ARHGEF6: variants seen among roughly 807,000 people sequenced by gnomAD.
The protein encoded by ARHGEF6 is rho guanine nucleotide exchange factor 6.
A neutral mutation model predicts 70.3 loss-of-function variants in ARHGEF6; 9 were observed. That is an observed-to-expected ratio of 0.13 (90% confidence interval 0.08 to 0.22). The LOEUF (loss-of-function observed/expected upper bound fraction) is 0.22, where lower values mean the gene tolerates loss of function less well. ARHGEF6 is among the 10% of genes least tolerant of loss of function. The pLI is 1.00. For missense variants in ARHGEF6, 470 were observed against 563.0 expected (o/e 0.83, Z 1.67); for synonymous variants, 201 against 207.8 (o/e 0.97, Z 0.28).
At chrX:136,681,837 T>C in intron 14 of ARHGEF6, 53 bp downstream of exon 14, 1 of 1,054,120 alleles carries the variant, frequency 9.5e-7, no homozygotes, top group South Asian at 1.9e-5. Flanking sequence ...TAAATTCCCC[T>C]TCATTCCAAA....
chrX:136,773,147 C>T lies in ARHGEF6; in HGVS notation c.249+6267G>A, dbSNP rs146352110. Among the ~76,000 whole-genome samples the T allele has an allele frequency of 6.9e-3, 774 of 111,415 alleles. 7 individuals carry two copies. Among genetic ancestry groups the T allele is most frequent in the African/African-American group, 0.021 (644 of 30,679 alleles). The stretch of plus-strand genomic sequence containing the variant: ...GAGCCCAGTACTCAATTTGTCGGTA[C>T]GGTGCTGCATCTGCGGCTCCATTTT... On this transcript the variant is annotated intron_variant, in intron 2 of 21. Coordinates refer to ENST00000250617, the MANE Select transcript of ARHGEF6 (RefSeq NM_004840.3).
At position 136,780,733 on chromosome X, in the gene ARHGEF6, A is replaced by G; in HGVS notation, c.150T>C (p.Pro50=). 8.3e-7 allele frequency: 1 copy of G among 1,211,563 alleles called. No individual in the cohort carries two copies. The highest frequency in any genetic ancestry group is 3.0e-5 in the East Asian group (1 of 33,857). ...TTTCCCTTACCTTTTCCACAGAGCC[A>G]GGCATGAGTCTGTTGATCAGTTTGC... ...VLCKLINRLM[P]GSVEKFCLDP... is the part of the protein sequence containing the mutation. The change falls in exon 1 of 22, where the codon CCT becomes CCC. Residue 50 remains proline, a synonymous_variant. Transcript: ENST00000250617.
chrX:136,691,555 A>T (rs2076458421), intron 9 of ARHGEF6, among the ~76,000 whole-genome samples: 1 of 111,889 alleles, frequency 8.9e-6, no homozygotes, highest in African/African-American at 3.3e-5. Flanking sequence ...AGAGGAGGAA[A>T]CCTACTGCCT....
chrX:136,750,800 C>T (rs893450400), intron 2 of ARHGEF6, among the ~76,000 whole-genome samples: 6 of 97,028 alleles, frequency 6.2e-5, no homozygotes, highest in African/African-American at 2.4e-4. Context: ...TAGATGAAAT[C>T]AAACTTTTTT....
intron 14 of ARHGEF6, 114 bp from the exon 15 acceptor site, chrX:136,680,990 T>G: frequency 1.2e-6 from 1 of 832,698 alleles, no homozygotes; most frequent in Non-Finnish European, 1.8e-6. Context: ...TTTTCAGGGG[T>G]TTTCATACCT....
In ARHGEF6 at chrX:136,730,549, G is replaced by A. The variant is rs1177997339; in HGVS notation, c.732+1553C>T. On this transcript the variant is annotated intron_variant, in intron 6 of 21. Transcript: ENST00000250617. ...CTATCATGAGTTCCGCAAGACATTTGTTTTCTTTATTAGGTCTGAGGTTTG... is the reference window on the plus strand; with the variant it reads ...CTATCATGAGTTCCGCAAGACATTTATTTTCTTTATTAGGTCTGAGGTTTG... 1.4e-4 allele frequency among the ~76,000 whole-genome samples: 15 copies of A among 111,035 alleles called. No homozygotes were observed. In the Admixed American group the frequency reaches 1.4e-3, roughly 10 times the overall value.
Position 136,666,737 on chromosome X carries a change from T to C in ARHGEF6, c.*1292A>G, listed in dbSNP as rs1219643102. 2 of 111,856 alleles carry C rather than the reference T, an allele frequency of 1.8e-5. No homozygotes were observed. Among genetic ancestry groups the C allele is most frequent in the Non-Finnish European group, 3.8e-5 (2 of 53,224 alleles). The allele number at this position is 111,856 out of a possible 1,213,427, so 9.2% of individuals were successfully genotyped here. On this transcript the variant is annotated 3_prime_UTR_variant, in exon 22 of 22. Coordinates refer to ENST00000250617, the MANE Select transcript of ARHGEF6 (RefSeq NM_004840.3). ...CTGAATTTGGATGTGTGCTGTTCTG[T>C]GACTGTCTTCTAAACCTGGTTTCTC...
intron 5 of ARHGEF6, among the ~76,000 whole-genome samples, chrX:136,732,407 T>C (rs1348329624): frequency 8.9e-6 from 1 of 111,990 alleles, no homozygotes; most frequent in African/African-American, 3.2e-5. Context: ...AAGACCTAAC[T>C]AAGAAATAGC....
chrX:136,687,873 C>G (rs1035667550), intron 11 of ARHGEF6, 59 bp downstream of exon 11: 1 of 981,366 alleles, frequency 1.0e-6, no homozygotes, highest in East Asian at 3.1e-5. Flanking sequence ...ACACACAAAT[C>G]GCTCTTTCAG....
chrX:136,761,912 CTT>C (rs755982570), intron 2 of ARHGEF6, among the ~76,000 whole-genome samples: 1 of 104,967 alleles, frequency 9.5e-6, no homozygotes, highest in Non-Finnish European at 2.0e-5. Context: ...CATTTTTTTT[CTT>C]TTTTTTTTTG....
chrX:136,727,395 T>TTCTTTCTTTCTTTCTTTC (rs1491576833), intron 6 of ARHGEF6, among the ~76,000 whole-genome samples: 2 of 53,611 alleles, frequency 3.7e-5, no homozygotes, highest in African/African-American at 1.6e-4. Flanking sequence ...CTTTCTTTCT[T>TTCTTTCTTTCTTTCTTTC]TCTCTCTCTC....
chrX:136,712,808 G>T (rs770806332), intron 7 of ARHGEF6, among the ~76,000 whole-genome samples: 2 of 112,106 alleles, frequency 1.8e-5, no homozygotes, highest in Admixed American at 9.4e-5. Context: ...ACATTTGCCT[G>T]GGTGAAATAA....
At chrX:136,708,960 A>G (rs774447762) in intron 7 of ARHGEF6, among the ~76,000 whole-genome samples, 190 bp from the exon 8 acceptor site, 9 of 112,295 alleles carry the variant, frequency 8.0e-5, no homozygotes, top group Non-Finnish European at 1.1e-4. Context: ...AATAAGAATA[A>G]TGATCCTAAA....
intron 5 of ARHGEF6, among the ~76,000 whole-genome samples, chrX:136,739,217 A>G (rs1466168255): frequency 1.8e-5 from 2 of 112,002 alleles, no homozygotes; most frequent in Non-Finnish European, 3.8e-5. Flanking sequence ...TCCCAGTCAG[A>G]AGCTTCTTCT....
chrX:136,745,736 T>C (rs1422864648), intron 3 of ARHGEF6, among the ~76,000 whole-genome samples: 1 of 112,055 alleles, frequency 8.9e-6, no homozygotes, highest in Non-Finnish European at 1.9e-5. Context: ...CTTTGTTTTT[T>C]GGCCCATAAC....
intron 20 of ARHGEF6, among the ~76,000 whole-genome samples, chrX:136,671,335 T>C (rs1291220687): frequency 8.9e-6 from 1 of 112,207 alleles, no homozygotes; most frequent in Non-Finnish European, 1.9e-5. Context: ...GCATTGACAA[T>C]GCCAAGCACC....
chrX:136,775,765 T>C (rs2077399808), intron 2 of ARHGEF6, among the ~76,000 whole-genome samples: 1 of 111,392 alleles, frequency 9.0e-6, no homozygotes, highest in Non-Finnish European at 1.9e-5. Context: ...CTCTCACTGT[T>C]TGCTGATGAT....
intron 4 of ARHGEF6, among the ~76,000 whole-genome samples, chrX:136,744,210 G>A (rs1454018004): frequency 2.7e-5 from 3 of 111,653 alleles, no homozygotes; most frequent in Non-Finnish European, 5.6e-5. Context: ...CATAAAATCT[G>A]CCTCCCATCT....
At chrX:136,745,835 ATGAGAG>A (rs1369177175) in intron 3 of ARHGEF6, among the ~76,000 whole-genome samples, 1 of 112,030 alleles carries the variant, frequency 8.9e-6, no homozygotes, top group Non-Finnish European at 1.9e-5. Context: ...AGGGTGGAGA[ATGAGAG>A]TGAAAGAGAA....
Sources: gnomAD v4.1 joint callset for allele counts (sites outside exome capture counted in the v4.1 genomes callset) on GRCh38, gnomAD v4.1.1 for gene constraint, MANE v1.5 for transcripts, NCBI Gene and HGNC (gene_info 2026-07-23, HGNC 2026-07-21) for gene names.